SOBP: variants seen among roughly 807,000 people sequenced by gnomAD.
SOBP encodes the protein sine oculis-binding protein homolog.
SOBP carries 4 observed loss-of-function variants against 53.6 expected under a neutral mutation model. That is an observed-to-expected ratio of 0.07 (90% CI 0.04 to 0.17). The LOEUF is 0.17. Ranked by LOEUF, SOBP falls within the 10% of genes least tolerant of loss-of-function variation. The pLI is 1.00. For synonymous variants in SOBP, 584 were observed against 522.6 expected, an observed-to-expected ratio of 1.12 and a Z score of -1.60; for missense variants, 1,088 against 1,204.7, an observed-to-expected ratio of 0.90 and a Z score of 1.43.
chr6:107,500,377 C>T lies in SOBP; in HGVS notation c.97-3280C>T, dbSNP rs189547754. Among the ~76,000 whole-genome samples the T allele has an allele frequency of 2.1e-3, 261 of 126,658 alleles. 6 individuals are homozygous for T. In the East Asian group the frequency reaches 0.05, roughly 24 times the overall value. 83.1% of individuals were successfully genotyped at this position (126,658 alleles called of 152,430 possible). On this transcript the variant is annotated intron_variant, in intron 1 of 6. Transcript: ENST00000317357. ...CTTGGCCCACAGAGTGAGACCCTGT[C>T]TAAAAAAAAAAAAAAAAGGAAAAGG... is the stretch of plus-strand genomic sequence containing the variant.
At position 107,495,902 on chromosome 6, in the gene SOBP, A is replaced by G. The variant is rs148922333; in HGVS notation, c.96+5190A>G. The stretch of plus-strand genomic sequence containing the variant: ...TAAAGTCTAAAACTTCCTCTTGTGG[A>G]ATGGGAATTCAGCCACACTTGTACT... On this transcript the variant is annotated intron_variant, in intron 1 of 6. Transcript: ENST00000317357. 4.4e-3 allele frequency among the ~76,000 whole-genome samples: 664 copies of G among 152,240 alleles called. 7 individuals carry two copies. The highest frequency in any genetic ancestry group is 0.015 in the African/African-American group (617 of 41,546).
chr6:107,505,985 C>T (rs1782981267), intron 2 of SOBP, among the ~76,000 whole-genome samples: 1 of 152,148 alleles, frequency 6.6e-6, no homozygotes, highest in African/African-American at 2.4e-5. Flanking sequence ...TTTTACAGTG[C>T]TAAAATTTAT....
chr6:107,656,313 AAG>A (rs879769368), intron 6 of SOBP, among the ~76,000 whole-genome samples: 1 of 44,016 alleles, frequency 2.3e-5, no homozygotes, highest in East Asian at 3.9e-4. Context: ...GAAAGAAAGA[AAG>A]AAAGAAAGAA....
intron 4 of SOBP, among the ~76,000 whole-genome samples, chr6:107,538,530 T>C (rs1247247804): frequency 6.6e-6 from 1 of 152,182 alleles, no homozygotes; most frequent in Non-Finnish European, 1.5e-5. Context: ...TCCTGTGGAT[T>C]CCCCTTGGTT....
rs1772170022 is a variant in SOBP at position 107,658,585 on chromosome 6, T to C, written c.*382T>C. The C allele has an allele frequency of 6.6e-6, 1 of 152,654 alleles. No homozygotes were observed. The allele number at this position is 152,654 out of a possible 1,614,324, so 9.5% of individuals were successfully genotyped here. A position where few individuals can be genotyped will look rare whatever the true frequency, so the allele number is the denominator to read the frequency against. ...CAGCGACTGAGGCTGGAAGATGATA[T>C]GGATTGGAACACAAAAAATCTTTTT... On this transcript the variant is annotated 3_prime_UTR_variant, in exon 7 of 7. Transcript: ENST00000317357.
chr6:107,511,896 A>G (rs564927744), intron 3 of SOBP, among the ~76,000 whole-genome samples: 4 of 151,868 alleles, frequency 2.6e-5, no homozygotes, highest in East Asian at 1.9e-4. Flanking sequence ...AGGCATTACT[A>G]TGGTAACAGA....
intron 4 of SOBP, among the ~76,000 whole-genome samples, chr6:107,548,545 CTA>C (rs1408828292): frequency 6.6e-6 from 1 of 152,052 alleles, no homozygotes; most frequent in Non-Finnish European, 1.5e-5. Context: ...CCCAGCCAAC[CTA>C]TAATATAATT....
chr6:107,594,266 G>C (rs1236129757), intron 5 of SOBP, among the ~76,000 whole-genome samples: 1 of 152,124 alleles, frequency 6.6e-6, no homozygotes. Flanking sequence ...ACAGTATTTG[G>C]TAAACAACTG....
chr6:107,648,992 A>G (rs1217932618), intron 6 of SOBP, among the ~76,000 whole-genome samples: 1 of 151,920 alleles, frequency 6.6e-6, no homozygotes, highest in African/African-American at 2.4e-5. Flanking sequence ...TCATGAGCCC[A>G]GGAGTTTGAG....
In SOBP at chr6:107,551,179, C is replaced by CG. The variant is rs1471856073; in HGVS notation, c.573+17575dup. 4.6e-5 allele frequency among the ~76,000 whole-genome samples: 7 copies of CG among 152,156 alleles called. No homozygotes were observed. In the South Asian group the frequency reaches 1.5e-3, roughly 32 times the overall value. ...CTTGCAGGGGCCACACATCTAGTGGCGGGGGGTGGTTACCACAACAGATAT... is the reference window on the plus strand; with the variant it reads ...CTTGCAGGGGCCACACATCTAGTGGCGGGGGGGTGGTTACCACAACAGATAT... On this transcript the variant is annotated intron_variant, in intron 4 of 6. Coordinates refer to ENST00000317357, the MANE Select transcript of SOBP (RefSeq NM_018013.4).
chr6:107,645,818 A>AG (rs1771532865), intron 6 of SOBP, among the ~76,000 whole-genome samples: 2 of 152,272 alleles, frequency 1.3e-5, no homozygotes, highest in South Asian at 4.1e-4. Context: ...GCTGGCGATC[A>AG]GGGGTGGAGA....
Position 107,634,777 on chromosome 6 carries a change from G to A in SOBP, c.1933G>A (p.Val645Met). The A allele has an allele frequency of 5.0e-6, 7 of 1,387,016 alleles. No individual in the cohort carries two copies. Among genetic ancestry groups the A allele is most frequent in the Non-Finnish European group, 6.5e-6 (7 of 1,069,016 alleles). 85.9% of individuals were successfully genotyped at this position (1,387,016 alleles called of 1,614,324 possible). ...GGGCGGCCAGCTCGGCTTCCCAGGC[G>A]TGCTGCAGGGCCCGCAGGACGGCGT... Reference protein sequence around the residue: ...GAGGQLGFPGVLQGPQDGVID... With the variant: ...GAGGQLGFPGMLQGPQDGVID... The change falls in exon 6 of 7, where the codon GTG becomes ATG. Residue 645 changes from valine to methionine, a missense_variant. By Grantham distance (21) the Val-to-Met change is conservative. Transcript: ENST00000317357. The surrounding 1 kb of genome is among the most constrained non-coding windows in gnomAD (Gnocchi z 4.5).
intron 6 of SOBP, among the ~76,000 whole-genome samples, chr6:107,643,325 T>C (rs1005376514): frequency 6.6e-6 from 1 of 152,246 alleles, no homozygotes; most frequent in Non-Finnish European, 1.5e-5. Context: ...AATTTCAAGA[T>C]ATTTGGAGCA....
intron 4 of SOBP, among the ~76,000 whole-genome samples, chr6:107,554,633 C>A (rs1172922851): frequency 2.6e-5 from 4 of 152,120 alleles, no homozygotes; most frequent in African/African-American, 9.7e-5. Flanking sequence ...CCATTGGAGC[C>A]ACCAATCTGC....
chr6:107,549,664 C>T (rs1038289858), intron 4 of SOBP, among the ~76,000 whole-genome samples: 2 of 151,832 alleles, frequency 1.3e-5, no homozygotes, highest in Admixed American at 6.6e-5. Context: ...TAGTAAGTAT[C>T]AGTTAATTTT....
chr6:107,622,370 G>A (rs563630048), intron 5 of SOBP, among the ~76,000 whole-genome samples: 1 of 152,348 alleles, frequency 6.6e-6, no homozygotes, highest in East Asian at 1.9e-4. Flanking sequence ...TAGGTGGCTA[G>A]CAGAGGCAAC....
chr6:107,652,833 G>T (rs1333416896), intron 6 of SOBP, among the ~76,000 whole-genome samples: 1 of 151,372 alleles, frequency 6.6e-6, no homozygotes, highest in African/African-American at 2.4e-5. Flanking sequence ...ATGGTTTGCT[G>T]AAGGCTCAGA....
chr6:107,584,992 G>A (rs1054498610), intron 4 of SOBP, among the ~76,000 whole-genome samples: 4 of 152,038 alleles, frequency 2.6e-5, no homozygotes, highest in African/African-American at 9.7e-5. Context: ...ATTGAATATA[G>A]ACATACATAT....
intron 4 of SOBP, among the ~76,000 whole-genome samples, chr6:107,541,771 G>T (rs1453098471): frequency 6.6e-6 from 1 of 152,120 alleles, no homozygotes; most frequent in Non-Finnish European, 1.5e-5. Flanking sequence ...GTTATAAGGA[G>T]AATCTTTGAA....
Sources: allele counts gnomAD v4.1 joint callset (sites outside exome capture counted in the v4.1 genomes callset), GRCh38; gene constraint gnomAD v4.1.1; non-coding constraint Gnocchi (gnomAD v3.1); transcripts MANE v1.5; gene names NCBI Gene and HGNC (gene_info 2026-07-23, HGNC 2026-07-21).